The following CCDC126 variants were observed in gnomAD, a reference collection of about 807,000 sequenced individuals.
The protein encoded by CCDC126 is coiled-coil domain containing 126, also known as coiled-coil domain-containing protein 126.
In CCDC126, 5 loss-of-function variants were observed where a neutral mutation model predicts 11.7. The ratio of observed to expected loss-of-function variants is 0.43; its 90% confidence interval spans 0.22 to 0.90. CCDC126 has a LOEUF of 0.90. CCDC126 is among the 40% of genes least tolerant of loss of function. The pLI, the probability that CCDC126 is intolerant of heterozygous loss-of-function variation, is 0.27. For missense variants in CCDC126, 150 were observed against 163.1 expected (o/e 0.92, Z 0.44); for synonymous variants, 60 against 61.9 (o/e 0.97, Z 0.14).
intron 3 of CCDC126, among the ~76,000 whole-genome samples, chr7:23,632,942 T>C (rs1265746479): frequency 6.6e-6 from 1 of 152,232 alleles, no homozygotes; most frequent in Non-Finnish European, 1.5e-5. Flanking sequence ...TATTTGTATT[T>C]AATGTCTGAT....
intron 3 of CCDC126, among the ~76,000 whole-genome samples, chr7:23,642,059 T>TGC: frequency 3.9e-5 from 6 of 152,344 alleles, no homozygotes; most frequent in South Asian, 2.1e-4. Flanking sequence ...TCGCCCAGGC[T>TGC]GGAGTGCAGT....
At chr7:23,626,002 A>G (rs906187811) in intron 3 of CCDC126, among the ~76,000 whole-genome samples, 1 of 143,032 alleles carries the variant, frequency 7.0e-6, no homozygotes, top group Non-Finnish European at 1.6e-5. Flanking sequence ...TGTGTTACAG[A>G]GGTTTTTCTT....
At chr7:23,610,972 C>T (rs1043533960) in intron 2 of CCDC126, among the ~76,000 whole-genome samples, 199 bp from the exon 3 acceptor site, 1 of 152,062 alleles carries the variant, frequency 6.6e-6, no homozygotes, top group East Asian at 1.9e-4. Context: ...AATGAATTGA[C>T]ATTTGTTTCT....
Position 23,611,370 on chromosome 7 carries a change from C to T in CCDC126, c.55C>T (p.Leu19Phe). 2 of 1,613,552 alleles carry T rather than the reference C, an allele frequency of 1.2e-6. No homozygotes were observed. Among genetic ancestry groups the T allele is most frequent in the South Asian group, 2.2e-5 (2 of 91,058 alleles). Reference sequence around the variant, plus strand: ...GTCCCAGAAATTGAGTTTACTGTTGCTTGTATTTGGACTCATTTGGGGATT... The same window carrying T: ...GTCCCAGAAATTGAGTTTACTGTTGTTTGTATTTGGACTCATTTGGGGATT... Reference protein sequence around the residue: ...NMSQKLSLLLLVFGLIWGLML... With the variant: ...NMSQKLSLLLFVFGLIWGLML... Residue 19 changes from leucine to phenylalanine, a missense_variant, in exon 3 of 4, where the codon CTT becomes TTT. Transcript: ENST00000307471.
At position 23,644,069 on chromosome 7, in the gene CCDC126, T is replaced by A. The variant is rs1174650271; in HGVS notation, c.*954T>A. ...TTTAGCCAGGTGTATATAATAAAGG[T>A]ACTTTTGTGCTGCATTAAATTGCTT... On this transcript the variant is annotated 3_prime_UTR_variant, in exon 4 of 4. Transcript: ENST00000307471. The A allele has an allele frequency of 1.3e-5, 2 of 152,108 alleles. No homozygotes were observed. The highest frequency in any genetic ancestry group is 2.9e-5 in the Non-Finnish European group (2 of 67,952). The allele number at this position is 152,108 out of a possible 1,614,324, so 9.4% of individuals were successfully genotyped here.
chr7:23,598,874 A>G (rs747678369), intron 2 of CCDC126, among the ~76,000 whole-genome samples: 3 of 152,170 alleles, frequency 2.0e-5, no homozygotes, highest in African/African-American at 7.2e-5. Context: ...GTGGTCCTCA[A>G]TGTCCTCATC....
intron 2 of CCDC126, among the ~76,000 whole-genome samples, chr7:23,606,589 G>A (rs911816479): frequency 6.6e-6 from 1 of 152,034 alleles, no homozygotes; most frequent in Non-Finnish European, 1.5e-5. Flanking sequence ...CCCTTCTTCA[G>A]GTCTAGTACT....
intron 3 of CCDC126, among the ~76,000 whole-genome samples, chr7:23,640,991 GGT>G (rs1491424931): frequency 1.0e-3 from 114 of 110,966 alleles, no homozygotes; most frequent in African/African-American, 3.7e-3. Flanking sequence ...GAATCCTTTT[GGT>G]TTTTTTTTTT....
intron 2 of CCDC126, 56 bp downstream of exon 2, chr7:23,598,107 G>A: frequency 6.6e-6 from 1 of 152,382 alleles, no homozygotes; most frequent in East Asian, 1.9e-4. Flanking sequence ...TAATGAGAAT[G>A]GCTCAGCCAG....
intron 2 of CCDC126, chr7:23,601,745 C>T (rs541897311): frequency 6.6e-6 from 1 of 152,230 alleles, no homozygotes; most frequent in African/African-American, 2.4e-5. Flanking sequence ...GTCTCTGTCA[C>T]CCATAGCTCA....
At chr7:23,638,955 G>C (rs1469263403) in intron 3 of CCDC126, among the ~76,000 whole-genome samples, 1 of 150,298 alleles carries the variant, frequency 6.7e-6, no homozygotes, top group African/African-American at 2.4e-5. Flanking sequence ...CCATGGAAAA[G>C]GAGATCCAGT....
Position 23,611,108 on chromosome 7 carries a change from A to G in CCDC126, c.-145-63A>G, listed in dbSNP as rs183327168. On this transcript the variant is annotated intron_variant, in intron 2 of 3. Coordinates refer to ENST00000307471, the MANE Select transcript of CCDC126 (RefSeq NM_138771.4). ...AAAAATTATAGAATATTTTCTTTATAGTCGTCTGTTCTGTTACTGATACAG... is the reference window on the plus strand; with the variant it reads ...AAAAATTATAGAATATTTTCTTTATGGTCGTCTGTTCTGTTACTGATACAG... The G allele has an allele frequency of 1.7e-3, 688 of 394,238 alleles. 4 individuals are homozygous for G. The highest frequency in any genetic ancestry group is 0.013 in the African/African-American group (636 of 48,682). 24.4% of individuals were successfully genotyped at this position (394,238 alleles called of 1,614,324 possible).
intron 3 of CCDC126, among the ~76,000 whole-genome samples, chr7:23,639,007 T>C (rs912213226): frequency 6.6e-6 from 1 of 151,822 alleles, no homozygotes; most frequent in Non-Finnish European, 1.5e-5. Context: ...TTAAAAAATA[T>C]GATTATCTCC....
At chr7:23,640,837 GAAT>G (rs1228377922) in intron 3 of CCDC126, among the ~76,000 whole-genome samples, 2 of 152,090 alleles carry the variant, frequency 1.3e-5, no homozygotes, top group African/African-American at 4.8e-5. Flanking sequence ...TTTTCTGGCT[GAAT>G]AATATTCCAT....
At chr7:23,620,026 G>C (rs56176367) in intron 3 of CCDC126, among the ~76,000 whole-genome samples, 1,893 of 152,158 alleles carry the variant, frequency 0.012, 40 homozygotes, top group African/African-American at 0.043. Flanking sequence ...ATTGTGAATA[G>C]TGCTGCAATA....
chr7:23,610,238 G>T (rs1320913637), intron 2 of CCDC126, among the ~76,000 whole-genome samples: 1 of 152,094 alleles, frequency 6.6e-6, no homozygotes, highest in Non-Finnish European at 1.5e-5. Context: ...TTGAGACAAG[G>T]TCTTGCTCTG....
chr7:23,626,522 AGGTTTG>A (rs1189907170), intron 3 of CCDC126, among the ~76,000 whole-genome samples: 57 of 152,228 alleles, frequency 3.7e-4, no homozygotes, highest in Middle Eastern at 3.4e-3. Context: ...TATTTATTTT[AGGTTTG>A]GGGGTACATG....
At chr7:23,634,880 C>T (rs1251868482) in intron 3 of CCDC126, among the ~76,000 whole-genome samples, 2 of 152,218 alleles carry the variant, frequency 1.3e-5, no homozygotes, top group Non-Finnish European at 2.9e-5. Flanking sequence ...CATTCTCCCT[C>T]TCTTCCACAG....
At chr7:23,635,584 C>T (rs1057243671) in intron 3 of CCDC126, among the ~76,000 whole-genome samples, 1 of 152,100 alleles carries the variant, frequency 6.6e-6, no homozygotes, top group African/African-American at 2.4e-5. Context: ...GATTTTATGT[C>T]ATGGAGAAAG....
Sources: gnomAD v4.1 joint callset for allele counts (sites outside exome capture counted in the v4.1 genomes callset) on GRCh38, gnomAD v4.1.1 for gene constraint, MANE v1.5 for transcripts, NCBI Gene and HGNC (gene_info 2026-07-23, HGNC 2026-07-21) for gene names.